AUTS2: variants seen among roughly 807,000 people sequenced by gnomAD.
AUTS2 encodes autism susceptibility gene 2 protein.
AUTS2 carries 17 observed loss-of-function variants against 112.4 expected under a neutral mutation model. The ratio of observed to expected loss-of-function variants is 0.15; its 90% confidence interval spans 0.10 to 0.23. The LOEUF is 0.23. Among genes scored for constraint, AUTS2 ranks in the 10% least tolerant of loss-of-function variants. AUTS2 has a pLI of 1.00. For missense variants in AUTS2, 1,510 were observed against 1,701.6 expected, an observed-to-expected ratio of 0.89 and a Z score of 1.98; for synonymous variants, 751 against 702.7, an observed-to-expected ratio of 1.07 and a Z score of -1.09.
At chr7:70,512,100 T>C (rs909498963) in intron 5 of AUTS2, among the ~76,000 whole-genome samples, 1 of 152,192 alleles carries the variant, frequency 6.6e-6, no homozygotes, top group Non-Finnish European at 1.5e-5. Context: ...TCTGTGACCT[T>C]TTCCTGTTTC....
intron 2 of AUTS2, among the ~76,000 whole-genome samples, chr7:69,904,467 C>T (rs1795080730): frequency 6.6e-6 from 1 of 152,126 alleles, no homozygotes; most frequent in South Asian, 2.1e-4. Flanking sequence ...GACTCTAGAG[C>T]CTACAGGTTT....
At chr7:70,789,216 C>T (rs187231927) in intron 18 of AUTS2, among the ~76,000 whole-genome samples, 9 of 152,324 alleles carry the variant, frequency 5.9e-5, no homozygotes, top group Non-Finnish European at 1.3e-4. Flanking sequence ...ACGTTCTTTG[C>T]TCTGAAACTG....
chr7:69,614,314 C>CTCTTTCTTTCTTTTTCTTTCTTTCTT, intron 1 of AUTS2, among the ~76,000 whole-genome samples: 1 of 83,320 alleles, frequency 1.2e-5, no homozygotes, highest in South Asian at 4.8e-4. Flanking sequence ...CACTCTCCGT[C>CTCTTTCTTTCTTTTTCTTTCTTTCTT]TCTTTCTTTC....
rs79500782 is a variant in AUTS2 at position 70,601,107 on chromosome 7, A to G, written c.691-97462A>G. ...TGAGGAACTCCCAGACTGTTTTCCA[A>G]AGTGACTGTACCATTTGACATTCTT... On this transcript the variant is annotated intron_variant, in intron 5 of 18. Transcript: ENST00000342771. 3.8e-3 allele frequency among the ~76,000 whole-genome samples: 585 copies of G among 152,354 alleles called. 11 individuals are homozygous for G. The highest frequency in any genetic ancestry group is 0.033 in the Admixed American group (502 of 15,302).
At chr7:69,735,711 C>T (rs913404654) in intron 1 of AUTS2, among the ~76,000 whole-genome samples, 4 of 152,130 alleles carry the variant, frequency 2.6e-5, no homozygotes, top group African/African-American at 7.2e-5. Flanking sequence ...GAGTTCTGTT[C>T]AGTGGAGGTG....
At chr7:69,890,892 A>C (rs950910810) in intron 1 of AUTS2, among the ~76,000 whole-genome samples, 2 of 152,242 alleles carry the variant, frequency 1.3e-5, no homozygotes, top group African/African-American at 4.8e-5. Flanking sequence ...AGTTTCTTTT[A>C]ATGAAAACTG....
At chr7:70,467,633 A>C (rs12698906) in intron 5 of AUTS2, among the ~76,000 whole-genome samples, 21,184 of 152,188 alleles carry the variant, frequency 0.14, 1,889 homozygotes, top group Non-Finnish European at 0.18. Context: ...TTCTTATACA[A>C]CCCAACAGGG....
At chr7:69,786,480 G>A (rs1789382186) in intron 1 of AUTS2, among the ~76,000 whole-genome samples, 1 of 152,194 alleles carries the variant, frequency 6.6e-6, no homozygotes, top group African/African-American at 2.4e-5. Flanking sequence ...GGGAATAAAA[G>A]CTGGCCACCC....
chr7:69,616,513 T>A (rs1562761642), intron 1 of AUTS2, among the ~76,000 whole-genome samples: 1 of 152,188 alleles, frequency 6.6e-6, no homozygotes, highest in Non-Finnish European at 1.5e-5. Context: ...TTGGATGTTT[T>A]TTCCCCCCAC....
At chr7:70,034,447 G>A (rs1223614523) in intron 2 of AUTS2, among the ~76,000 whole-genome samples, 2 of 152,190 alleles carry the variant, frequency 1.3e-5, no homozygotes, top group Non-Finnish European at 2.9e-5. Context: ...GAGGAAGGAA[G>A]GAAGGAAGGA....
At chr7:69,688,432 G>T (rs1797155296) in intron 1 of AUTS2, among the ~76,000 whole-genome samples, 1 of 152,224 alleles carries the variant, frequency 6.6e-6, no homozygotes, top group Non-Finnish European at 1.5e-5. Flanking sequence ...ACAGAGTACA[G>T]GCTGTGCATA....
At chr7:70,310,436 CCGT>C (rs2129615184) in intron 4 of AUTS2, among the ~76,000 whole-genome samples, 1 of 152,042 alleles carries the variant, frequency 6.6e-6, no homozygotes, top group Non-Finnish European at 1.5e-5. Context: ...TGGTGAAACC[CCGT>C]CTCTACTAAA....
intron 5 of AUTS2, among the ~76,000 whole-genome samples, chr7:70,565,823 G>C (rs568400134): frequency 6.4e-4 from 97 of 152,182 alleles, no homozygotes; most frequent in Admixed American, 6.5e-4. Flanking sequence ...ACTATAGACA[G>C]AGCTTTGTGC....
intron 5 of AUTS2, among the ~76,000 whole-genome samples, chr7:70,691,893 TGAGATAAAG>T (rs1808772971): frequency 6.6e-6 from 1 of 150,844 alleles, no homozygotes. Context: ...TTTTTTTTTT[TGAGATAAAG>T]TCTTACTCTG....
chr7:70,723,785 G>T (rs1200375129), intron 6 of AUTS2, among the ~76,000 whole-genome samples: 3 of 150,730 alleles, frequency 2.0e-5, no homozygotes, highest in Non-Finnish European at 4.4e-5. Flanking sequence ...AAGCTGATTT[G>T]TTAGGAGTCA....
intron 1 of AUTS2, among the ~76,000 whole-genome samples, chr7:69,726,711 TATG>T (rs1761654927): frequency 6.6e-6 from 1 of 152,232 alleles, no homozygotes; most frequent in Non-Finnish European, 1.5e-5. Flanking sequence ...AAACATTTGG[TATG>T]ATAAGTCTTT....
intron 1 of AUTS2, among the ~76,000 whole-genome samples, chr7:69,810,710 G>A (rs1293637198): frequency 1.3e-5 from 2 of 152,140 alleles, no homozygotes; most frequent in Admixed American, 6.5e-5. Context: ...AATGTCATTC[G>A]TTTTGGGGCA....
intron 4 of AUTS2, among the ~76,000 whole-genome samples, chr7:70,260,283 G>A (rs928353670): frequency 6.6e-6 from 1 of 152,046 alleles, no homozygotes; most frequent in African/African-American, 2.4e-5. Flanking sequence ...GGAGAATTAT[G>A]TGAACCCAGG....
intron 4 of AUTS2, among the ~76,000 whole-genome samples, chr7:70,340,616 G>T (rs1362584037): frequency 6.6e-6 from 1 of 152,286 alleles, no homozygotes; most frequent in African/African-American, 2.4e-5. Flanking sequence ...TCTCATTTTT[G>T]ATCCTCTTTG....
Sources: allele counts gnomAD v4.1 joint callset (sites outside exome capture counted in the v4.1 genomes callset), GRCh38; gene constraint gnomAD v4.1.1; transcripts MANE v1.5; gene names NCBI Gene and HGNC (gene_info 2026-07-23, HGNC 2026-07-21).